BRD1: variants seen among roughly 807,000 people sequenced by gnomAD.
BRD1 encodes bromodomain containing 1.
A neutral mutation model predicts 107.7 loss-of-function variants in BRD1; 24 were observed. That is an observed-to-expected ratio of 0.22 (90% CI 0.16 to 0.31). BRD1 has a LOEUF of 0.31. Ranked by LOEUF, BRD1 falls within the 10% of genes least tolerant of loss-of-function variation. The pLI is 1.00. For missense variants in BRD1, 1,279 were observed against 1,638.6 expected (o/e 0.78, Z 3.79); for synonymous variants, 744 against 686.1 (o/e 1.08, Z -1.32).
At chr22:49,789,009 G>A (rs1288532714) in intron 7 of BRD1, among the ~76,000 whole-genome samples, 1 of 152,226 alleles carries the variant, frequency 6.6e-6, no homozygotes, top group Admixed American at 6.5e-5. Context: ...TGAGGCTGAA[G>A]AAAGTTCTCC....
Position 49,827,667 on chromosome 22 carries a change from G to A in BRD1, c.-185C>T, listed in dbSNP as rs866788951. 1.2e-4 allele frequency among the ~76,000 whole-genome samples: 17 copies of A among 145,204 alleles called. No individual in the cohort carries two copies. The South Asian group carries it at 2.7e-3, about 23-fold the overall frequency. On this transcript the variant is annotated 5_prime_UTR_variant, in exon 1 of 13. Transcript: ENST00000404760. ...CTCGGCCGCGGCGGCTCCGGGCCCG[G>A]CAGCGGCGGCCGCGGACTCTCGGGC...
intron 7 of BRD1, among the ~76,000 whole-genome samples, chr22:49,788,639 G>C (rs1366560412): frequency 6.6e-6 from 1 of 152,204 alleles, no homozygotes; most frequent in Non-Finnish European, 1.5e-5. Flanking sequence ...CCTGGGGCTG[G>C]TCTGTGGGGC....
intron 7 of BRD1, among the ~76,000 whole-genome samples, chr22:49,790,003 G>A (rs533225636): frequency 1.3e-5 from 2 of 152,312 alleles, no homozygotes; most frequent in East Asian, 3.9e-4. Flanking sequence ...ACACGCCCCT[G>A]GCCTCTCTGC....
chr22:49,824,673 C>G lies in BRD1; in HGVS notation c.-14-342G>C, dbSNP rs889098954. On this transcript the variant is annotated intron_variant, in intron 1 of 12. Transcript: ENST00000404760. This position sits in a 1 kb window ranked among gnomAD's most constrained non-coding sequence, Gnocchi z 5.9. ...CAAGGAGGAGGGGTCCGGCCCAGAG[C>G]CCACAGTTGCAGGACTTTCCCAGCA... 1.8e-6 allele frequency: 2 copies of G among 1,111,826 alleles called. No homozygotes were observed. The highest frequency in any genetic ancestry group is 2.2e-6 in the Non-Finnish European group (2 of 906,732). The allele number at this position is 1,111,826 out of a possible 1,614,324, so 68.9% of individuals were successfully genotyped here.
intron 2 of BRD1, among the ~76,000 whole-genome samples, chr22:49,804,765 C>G (rs1007681819): frequency 4.6e-5 from 7 of 152,068 alleles, no homozygotes; most frequent in African/African-American, 1.4e-4. Context: ...GCAGGAGAAT[C>G]GCTTAAACCT....
rs754638205 is a variant in BRD1, at chr22:49,824,355, G to A, written c.-14-24C>T. 6.2e-7 allele frequency: 1 copy of A among 1,605,882 alleles called. No homozygotes were observed. The highest frequency in any genetic ancestry group is 8.5e-7 in the Non-Finnish European group (1 of 1,175,044). On this transcript the variant is annotated intron_variant, in intron 1 of 12. Transcript: ENST00000404760. The surrounding 1 kb of genome is among the most constrained non-coding windows in gnomAD (Gnocchi z 5.9). Reference sequence around the variant, plus strand: ...ACCTAAAATGAAGGCAAAAGTAAAGGTAATTCTACGCAGGGTGACCAAAGA... The same window carrying A: ...ACCTAAAATGAAGGCAAAAGTAAAGATAATTCTACGCAGGGTGACCAAAGA...
chr22:49,776,546 G>A (rs138825), intron 10 of BRD1, among the ~76,000 whole-genome samples: 3,396 of 152,216 alleles, frequency 0.022, 50 homozygotes, highest in Middle Eastern at 0.034. Flanking sequence ...CTCCCCCTCC[G>A]CCAGACCAGC....
At chr22:49,776,459 C>T (rs1569081060) in intron 10 of BRD1, among the ~76,000 whole-genome samples, 2 of 152,226 alleles carry the variant, frequency 1.3e-5, no homozygotes, top group African/African-American at 2.4e-5. Context: ...GCCCTCCTTG[C>T]CGCAAGGACG....
rs1225079031 is a variant in BRD1, at chr22:49,775,188, A to ACAGAAGGCTCTAAGAACAGGGC, written c.3386+381_3386+402dup. The ACAGAAGGCTCTAAGAACAGGGC allele has an allele frequency of 7.0e-5, 11 of 156,572 alleles. No homozygotes were observed. In the South Asian group the frequency reaches 2.3e-3, roughly 32 times the overall value. The allele number at this position is 156,572 out of a possible 1,614,324, so 9.7% of individuals were successfully genotyped here. ...CTGAGCAGAGCTGGATGATGCTGGG[A>ACAGAAGGCTCTAAGAACAGGGC]CAGAAGGCTCTAAGAACAGGGCCAG... On this transcript the variant is annotated intron_variant, in intron 12 of 12. Transcript: ENST00000404760.
Position 49,792,562 on chromosome 22 carries a change from T to C in BRD1, c.2359+1472A>G, listed in dbSNP as rs1240601769. On this transcript the variant is annotated intron_variant, in intron 7 of 12. Transcript: ENST00000404760. The surrounding 1 kb of genome is among the most constrained non-coding windows in gnomAD (Gnocchi z 4.2). ...GATCACGTGCCAACAATAACAGCCT[T>C]TGGGAGAAGAGAAAACCAAGCGCTC... Among the ~76,000 whole-genome samples, 1 of 152,066 alleles carries C rather than the reference T, an allele frequency of 6.6e-6. No homozygotes were observed. Among genetic ancestry groups the C allele is most frequent in the Admixed American group, 6.6e-5 (1 of 15,256 alleles).
intron 2 of BRD1, among the ~76,000 whole-genome samples, chr22:49,818,914 C>T (rs1164117155): frequency 1.3e-5 from 2 of 151,798 alleles, no homozygotes; most frequent in African/African-American, 4.8e-5. Flanking sequence ...TATACAGGTG[C>T]AACTCAATCC....
intron 2 of BRD1, among the ~76,000 whole-genome samples, chr22:49,815,686 C>G (rs912041763): frequency 1.1e-4 from 17 of 152,170 alleles, no homozygotes; most frequent in African/African-American, 3.6e-4. Flanking sequence ...CCCAGAAAAC[C>G]AACAAAGTCA....
chr22:49,818,386 A>C, intron 2 of BRD1: 1 of 1,192,188 alleles, frequency 8.4e-7, no homozygotes, highest in African/African-American at 1.6e-5. Flanking sequence ...TGATGAACCT[A>C]GGAGTTTTGT....
chr22:49,821,152 G>A (rs1044777341), intron 2 of BRD1, among the ~76,000 whole-genome samples: 1 of 152,192 alleles, frequency 6.6e-6, no homozygotes, highest in African/African-American at 2.4e-5. Context: ...CTTCAGTCCT[G>A]CCTACCCAAC....
intron 7 of BRD1, among the ~76,000 whole-genome samples, chr22:49,791,297 G>T (rs1030703094): frequency 6.6e-6 from 1 of 152,234 alleles, no homozygotes; most frequent in East Asian, 1.9e-4. Flanking sequence ...GCAGACCGGG[G>T]CCAACAGTGC....
intron 2 of BRD1, among the ~76,000 whole-genome samples, chr22:49,815,276 T>G (rs890128496): frequency 4.6e-5 from 7 of 152,226 alleles, no homozygotes; most frequent in Non-Finnish European, 8.8e-5. Context: ...CAGTGGCTTA[T>G]GCCTGTAATC....
rs372292607 is a variant in BRD1 at position 49,776,132 on chromosome 22, G to C, written c.3149C>G (p.Ser1050Cys). The change falls in exon 11 of 13, where the codon TCC (serine) becomes TGC (cysteine). Residue 1050 changes from serine to cysteine, a missense_variant. This residue lies in a region of BRD1 where 263 missense variants were observed against 251.6 expected (regional missense o/e 1.05). Transcript: ENST00000404760. ...CAGCACCGAGGCGGCGGCATCAGTG[G>C]AGATCCACATGCTGCTCTGGCCGAC... ...AEVGQSSMWISTDAAASVLEP... is the reference protein window; with the variant it reads ...AEVGQSSMWICTDAAASVLEP... 2.5e-6 allele frequency: 4 copies of C among 1,606,050 alleles called. No homozygotes were observed. Among genetic ancestry groups the C allele is most frequent in the East Asian group, 2.2e-5 (1 of 44,860 alleles).
In BRD1 at chr22:49,803,999, G is replaced by A. The variant is rs1325707587; in HGVS notation, c.1524+205C>T. 2.0e-5 allele frequency among the ~76,000 whole-genome samples: 3 copies of A among 152,228 alleles called. No homozygotes were observed. Among genetic ancestry groups the A allele is most frequent in the Non-Finnish European group, 4.4e-5 (3 of 68,046 alleles). ...GAAGAAACACCCAGTGACAGGCATG[G>A]ATGAGAATCACCCCCCGAGTCGCAG... On this transcript the variant is annotated intron_variant, in intron 3 of 12. Transcript: ENST00000404760. This position sits in a 1 kb window ranked among gnomAD's most constrained non-coding sequence, Gnocchi z 4.4.
chr22:49,775,036 C>T (rs1157290941), intron 12 of BRD1, among the ~76,000 whole-genome samples: 1 of 152,216 alleles, frequency 6.6e-6, no homozygotes, highest in African/African-American at 2.4e-5. Flanking sequence ...CTCCCAGAGG[C>T]ATGTGCTGCC....
Sources: allele counts gnomAD v4.1 joint callset (sites outside exome capture counted in the v4.1 genomes callset), GRCh38; gene constraint gnomAD v4.1.1; regional missense constraint gnomAD v4.1.1; non-coding constraint Gnocchi (gnomAD v3.1); transcripts MANE v1.5; gene names NCBI Gene and HGNC (gene_info 2026-07-23, HGNC 2026-07-21).